Variants in SLC6A6 observed in about 807,000 individuals in gnomAD.
The protein encoded by SLC6A6 is sodium- and chloride-dependent taurine transporter.
SLC6A6 carries 16 observed loss-of-function variants against 68.8 expected under a neutral mutation model. The ratio of observed to expected loss-of-function variants is 0.23; its 90% CI spans 0.16 to 0.35. SLC6A6 has a LOEUF of 0.35. SLC6A6 is among the 10% of genes least tolerant of loss of function. The pLI is 1.00. For synonymous variants in SLC6A6, 312 were observed against 315.4 expected (o/e 0.99, Z 0.12); for missense variants, 474 against 802.8 (o/e 0.59, Z 4.95).
chr3:14,484,876 T>C lies in SLC6A6; in HGVS notation c.1732T>C (p.Tyr578His). 6.2e-7 allele frequency: 1 copy of C among 1,611,982 alleles called. No individual in the cohort carries two copies. The highest frequency in any genetic ancestry group is 8.5e-7 in the Non-Finnish European group (1 of 1,179,960). The change falls in exon 15 of 15, where the codon TAC becomes CAC. Residue 578 changes from tyrosine to histidine, a missense_variant. This residue lies in a region of SLC6A6 where 194 missense variants were observed against 269.8 expected (regional missense o/e 0.72). Transcript: ENST00000622186. ...TEGPFLVRVK[Y>H]LLTPREPNRW... ...TGTCATCCTTCTCCAGAGAGTCAAG[T>C]ACCTGCTGACCCCAAGGGAACCCAA...
At chr3:14,456,847 A>C (rs1700378528) in intron 5 of SLC6A6, among the ~76,000 whole-genome samples, 1 of 152,218 alleles carries the variant, frequency 6.6e-6, no homozygotes, top group Non-Finnish European at 1.5e-5. Flanking sequence ...AGGGGTTCGC[A>C]AACACCCTGG....
chr3:14,405,626 T>C (rs1464612802), intron 1 of SLC6A6, among the ~76,000 whole-genome samples: 3 of 152,202 alleles, frequency 2.0e-5, no homozygotes, highest in South Asian at 2.1e-4. Context: ...GTCAGATTCT[T>C]TGGGGCTGCA....
chr3:14,414,146 G>C (rs529379642), intron 1 of SLC6A6, among the ~76,000 whole-genome samples: 1 of 152,142 alleles, frequency 6.6e-6, no homozygotes, highest in African/African-American at 2.4e-5. Context: ...TCCCGGCTCC[G>C]GGTCTCTCTA....
chr3:14,479,682 G>A (rs1559315526), intron 13 of SLC6A6, among the ~76,000 whole-genome samples: 1 of 152,164 alleles, frequency 6.6e-6, no homozygotes, highest in East Asian at 1.9e-4. Context: ...GTTCTCCCAA[G>A]GATAGGGAAG....
chr3:14,416,364 T>C, intron 1 of SLC6A6, 48 bp from the exon 2 acceptor site: 1 of 398,568 alleles, frequency 2.5e-6, no homozygotes. Context: ...ACAGTCTGCC[T>C]CTGACCAGAT....
Position 14,477,447 on chromosome 3 carries a change from C to A in SLC6A6, c.1347+105C>A. On this transcript the variant is annotated intron_variant, in intron 11 of 14. Transcript: ENST00000622186. This position sits in a 1 kb window ranked among gnomAD's most constrained non-coding sequence, Gnocchi z 4.2. The stretch of plus-strand genomic sequence containing the variant: ...TGAGAGGGCCAGGTAGGGGCTTCAT[C>A]TCCCAGCCCCACCCAATTCAGGGGT... 8.7e-7 allele frequency: 1 copy of A among 1,154,080 alleles called. No individual in the cohort carries two copies. The highest frequency in any genetic ancestry group is 1.3e-6 in the Non-Finnish European group (1 of 789,808). The allele number at this position is 1,154,080 out of a possible 1,614,324, so 71.5% of individuals were successfully genotyped here.
At chr3:14,482,107 G>A (rs1310398626) in intron 14 of SLC6A6, among the ~76,000 whole-genome samples, 2 of 152,220 alleles carry the variant, frequency 1.3e-5, no homozygotes, top group Non-Finnish European at 2.9e-5. Flanking sequence ...GAATGTGAGA[G>A]GGAAGGTGTT....
rs1699011648 is a variant in SLC6A6, at chr3:14,402,737, G to T, written c.-164G>T. The T allele has an allele frequency of 2.5e-6, 1 of 398,132 alleles. No individual in the cohort carries two copies. 24.7% of individuals were successfully genotyped at this position (398,132 alleles called of 1,614,324 possible). ...CCCAGAGGACAAGCTGCGCCAAGAG[G>T]GAGTGCGGAGCGTTCACCCAGCGGG... is the stretch of plus-strand genomic sequence containing the variant. On this transcript the variant is annotated 5_prime_UTR_variant, in exon 1 of 15. Transcript: ENST00000622186. This position sits in a 1 kb window ranked among gnomAD's most constrained non-coding sequence, Gnocchi z 4.8.
rs534743138 is a variant in SLC6A6, at chr3:14,403,583, A to G, written c.-54+736A>G. Among the ~76,000 whole-genome samples the G allele has an allele frequency of 2.0e-5, 3 of 152,230 alleles. No individual in the cohort carries two copies. In the South Asian group the frequency reaches 6.2e-4, roughly 32 times the overall value. On this transcript the variant is annotated intron_variant, in intron 1 of 14. Transcript: ENST00000622186. ...TAGGGCAGCGTGGCTCCATAGGTGC[A>G]TGCACTCCATAGGTGGTGTGCAGGT... is the stretch of plus-strand genomic sequence containing the variant.
chr3:14,426,502 A>G (rs974645781), intron 2 of SLC6A6, among the ~76,000 whole-genome samples: 1 of 152,262 alleles, frequency 6.6e-6, no homozygotes, highest in African/African-American at 2.4e-5. Flanking sequence ...AAGCCCCATT[A>G]GACTCTAAGA....
chr3:14,443,943 T>C (rs1700051957), intron 3 of SLC6A6, 80 bp downstream of exon 3: 1 of 999,876 alleles, frequency 1.0e-6, no homozygotes, highest in African/African-American at 1.6e-5. Flanking sequence ...AGAGCGTGGG[T>C]GGCCTCTCTT....
At position 14,489,093 on chromosome 3, in the gene SLC6A6, A is replaced by G. The variant is rs1322556056; in HGVS notation, c.*4086A>G. 1 of 152,716 alleles carries G rather than the reference A, an allele frequency of 6.5e-6. No individual in the cohort carries two copies. Among genetic ancestry groups the G allele is most frequent in the South Asian group, 2.1e-4 (1 of 4,828 alleles). The allele number at this position is 152,716 out of a possible 1,614,324, so 9.5% of individuals were successfully genotyped here. On this transcript the variant is annotated 3_prime_UTR_variant, in exon 15 of 15. Coordinates refer to ENST00000622186, the MANE Select transcript of SLC6A6 (RefSeq NM_003043.6). Reference sequence around the variant, plus strand: ...TTTAAACTTTTATAAAAAAAAAATCAACCAACAAGAGACTTTTCTGAGGAG... The same window carrying G: ...TTTAAACTTTTATAAAAAAAAAATCGACCAACAAGAGACTTTTCTGAGGAG...
At chr3:14,466,265 T>TAAAA (rs11310077) in intron 6 of SLC6A6, among the ~76,000 whole-genome samples, 8 of 110,250 alleles carry the variant, frequency 7.3e-5, no homozygotes, top group Non-Finnish European at 1.1e-4. Flanking sequence ...GTCTCAAATT[T>TAAAA]AAAAAAAAAA....
chr3:14,403,976 C>G (rs1245016650), intron 1 of SLC6A6, among the ~76,000 whole-genome samples: 1 of 152,170 alleles, frequency 6.6e-6, no homozygotes, highest in Non-Finnish European at 1.5e-5. Context: ...GGACCAGCCC[C>G]AAAAGCTTGG....
intron 2 of SLC6A6, among the ~76,000 whole-genome samples, chr3:14,442,830 T>C (rs1019885678): frequency 2.6e-5 from 4 of 152,160 alleles, no homozygotes; most frequent in Admixed American, 2.6e-4. Flanking sequence ...GCTTATAGGA[T>C]CTACAGGGTC....
intron 7 of SLC6A6, among the ~76,000 whole-genome samples, chr3:14,467,633 T>A (rs907894824): frequency 2.0e-5 from 3 of 152,204 alleles, no homozygotes; most frequent in African/African-American, 7.2e-5. Context: ...TTAACCCTGA[T>A]GCTAGGTCGC....
chr3:14,430,143 AG>A (rs773112652), intron 2 of SLC6A6, among the ~76,000 whole-genome samples: 1 of 152,190 alleles, frequency 6.6e-6, no homozygotes, highest in Non-Finnish European at 1.5e-5. Context: ...AGGAGAAATA[AG>A]GTGGCAGAGA....
intron 2 of SLC6A6, among the ~76,000 whole-genome samples, chr3:14,440,124 T>C (rs1699947786): frequency 6.6e-6 from 1 of 152,130 alleles, no homozygotes; most frequent in Non-Finnish European, 1.5e-5. Context: ...AAGCACCTCC[T>C]GTGCACCCCC....
intron 1 of SLC6A6, among the ~76,000 whole-genome samples, chr3:14,407,743 C>T (rs992774822): frequency 1.3e-5 from 2 of 152,106 alleles, no homozygotes; most frequent in African/African-American, 2.4e-5. Context: ...TAGGCTTAAA[C>T]GATCCACCCT....
Sources: allele counts gnomAD v4.1 joint callset (sites outside exome capture counted in the v4.1 genomes callset), GRCh38; gene constraint gnomAD v4.1.1; regional missense constraint gnomAD v4.1.1; non-coding constraint Gnocchi (gnomAD v3.1); transcripts MANE v1.5; gene names NCBI Gene and HGNC (gene_info 2026-07-23, HGNC 2026-07-21).